ARHGEF28: variants seen among roughly 807,000 people sequenced by gnomAD.
The protein encoded by ARHGEF28 is 190 kDa guanine nucleotide exchange factor.
ARHGEF28 carries 152 observed loss-of-function variants against 206.6 expected under a neutral mutation model. The observed-to-expected ratio is 0.74, with a 90% confidence interval of 0.64 to 0.84. ARHGEF28 has a LOEUF of 0.84. ARHGEF28 is among the 40% of genes least tolerant of loss of function. The pLI, the probability that ARHGEF28 is intolerant of heterozygous loss-of-function variation, is 0.00. For missense variants in ARHGEF28, 2,028 were observed against 2,073.2 expected, an observed-to-expected ratio of 0.98 and a Z score of 0.42; for synonymous variants, 763 against 776.4, an observed-to-expected ratio of 0.98 and a Z score of 0.29.
At chr5:73,884,004 G>T in intron 24 of ARHGEF28, 120 bp downstream of exon 24, 3 of 493,868 alleles carry the variant, frequency 6.1e-6, no homozygotes, top group Non-Finnish European at 1.0e-5. Context: ...TCACGACGGA[G>T]AAACTGTTAA....
At chr5:73,797,427 G>A (rs964232276) in intron 9 of ARHGEF28, among the ~76,000 whole-genome samples, 5 of 152,152 alleles carry the variant, frequency 3.3e-5, no homozygotes, top group African/African-American at 1.2e-4. Flanking sequence ...TTGAGATGGA[G>A]TTTTGCTCTG....
At chr5:73,643,497 T>G (rs1250647659) in intron 1 of ARHGEF28, among the ~76,000 whole-genome samples, 1 of 152,148 alleles carries the variant, frequency 6.6e-6, no homozygotes, top group Non-Finnish European at 1.5e-5. Context: ...TTGGCACAAT[T>G]ATATATAGTA....
chr5:73,656,850 T>C (rs1490527512), intron 1 of ARHGEF28, among the ~76,000 whole-genome samples: 1 of 152,140 alleles, frequency 6.6e-6, no homozygotes, highest in Non-Finnish European at 1.5e-5. Context: ...GCTGCAGACA[T>C]ACTGGCCTTC....
chr5:73,726,841 T>C (rs1750303923), intron 2 of ARHGEF28, among the ~76,000 whole-genome samples: 1 of 152,160 alleles, frequency 6.6e-6, no homozygotes, highest in Admixed American at 6.5e-5. Flanking sequence ...CAGTGTTGAG[T>C]GGTCGTAATC....
At chr5:73,753,410 G>C (rs115167164) in intron 4 of ARHGEF28, among the ~76,000 whole-genome samples, 1,690 of 152,270 alleles carry the variant, frequency 0.011, 32 homozygotes, top group African/African-American at 0.038. Context: ...TGGGATAAAT[G>C]GAAGAGCCTT....
At chr5:73,749,101 A>T (rs1751894107) in intron 2 of ARHGEF28, among the ~76,000 whole-genome samples, 1 of 152,212 alleles carries the variant, frequency 6.6e-6, no homozygotes, top group African/African-American at 2.4e-5. Flanking sequence ...TGTGCCAACC[A>T]GAAGCTCTTA....
chr5:73,906,184 CTTAT>C (rs2112718192), intron 33 of ARHGEF28, among the ~76,000 whole-genome samples: 1 of 152,270 alleles, frequency 6.6e-6, no homozygotes, highest in South Asian at 2.1e-4. Context: ...CAGTGCTCAT[CTTAT>C]TTATTTTTCT....
intron 2 of ARHGEF28, among the ~76,000 whole-genome samples, chr5:73,698,416 A>T (rs1748355273): frequency 6.6e-6 from 1 of 152,142 alleles, no homozygotes; most frequent in East Asian, 1.9e-4. Context: ...AAATCTGGTG[A>T]CCACCCCTGA....
intron 9 of ARHGEF28, among the ~76,000 whole-genome samples, chr5:73,811,631 G>T (rs989059436): frequency 3.9e-5 from 6 of 152,184 alleles, no homozygotes; most frequent in Non-Finnish European, 5.9e-5. Context: ...AGGGCTGAAA[G>T]TTACATATCC....
intron 4 of ARHGEF28, among the ~76,000 whole-genome samples, chr5:73,765,558 A>AT (rs1752847938): frequency 6.6e-6 from 1 of 152,188 alleles, no homozygotes; most frequent in African/African-American, 2.4e-5. Context: ...AACTTACACT[A>AT]TTTTCTACTT....
chr5:73,734,086 C>A (rs2112356406), intron 2 of ARHGEF28, among the ~76,000 whole-genome samples: 1 of 152,290 alleles, frequency 6.6e-6, no homozygotes, highest in East Asian at 1.9e-4. Flanking sequence ...CACCTCCCAC[C>A]AGGCCCCACC....
At chr5:73,638,284 G>A (rs1743854911) in intron 1 of ARHGEF28, among the ~76,000 whole-genome samples, 1 of 152,194 alleles carries the variant, frequency 6.6e-6, no homozygotes, top group South Asian at 2.1e-4. Flanking sequence ...TTTTATTGTG[G>A]CAATATGCTT....
At chr5:73,924,496 CT>C in intron 35 of ARHGEF28, among the ~76,000 whole-genome samples, 1 of 152,282 alleles carries the variant, frequency 6.6e-6, no homozygotes, top group Non-Finnish European at 1.5e-5. Context: ...TTAATAAACA[CT>C]ACTGTTATCA....
At chr5:73,916,370 T>C (rs1299618232) in intron 35 of ARHGEF28, among the ~76,000 whole-genome samples, 1 of 152,148 alleles carries the variant, frequency 6.6e-6, no homozygotes, top group Non-Finnish European at 1.5e-5. Flanking sequence ...GGGAATGTAT[T>C]TGTTGACTAG....
Position 73,776,666 on chromosome 5 carries a change from A to G in ARHGEF28, c.810A>G (p.Lys270=). ...LLEADIKLFR[K]YFWDRAFLVK... The stretch of plus-strand genomic sequence containing the variant: ...AGGCAGATATTAAACTCTTCCGGAA[A>G]TACTTTTGGGATAGAGCCTTTCTTG... The change falls in exon 6 of 36, where the codon AAA becomes AAG. Residue 270 remains lysine (K), a synonymous_variant. Transcript: ENST00000513042. 6.2e-7 allele frequency: 1 copy of G among 1,613,612 alleles called. No individual in the cohort carries two copies. The highest frequency in any genetic ancestry group is 2.2e-5 in the East Asian group (1 of 44,874).
At chr5:73,628,299 T>C (rs780036630) in intron 1 of ARHGEF28, among the ~76,000 whole-genome samples, 13 of 152,168 alleles carry the variant, frequency 8.5e-5, no homozygotes, top group Non-Finnish European at 1.9e-4. Context: ...ATACTATTAC[T>C]TCTATATTAA....
At chr5:73,760,980 G>A (rs1752572703) in intron 4 of ARHGEF28, among the ~76,000 whole-genome samples, 1 of 152,146 alleles carries the variant, frequency 6.6e-6, no homozygotes, top group Admixed American at 6.5e-5. Context: ...CCACTTCTGG[G>A]AAATAGAACG....
At chr5:73,815,970 C>T (rs968615970) in intron 9 of ARHGEF28, among the ~76,000 whole-genome samples, 4 of 152,112 alleles carry the variant, frequency 2.6e-5, no homozygotes, top group African/African-American at 7.2e-5. Flanking sequence ...TTATGAAGAG[C>T]GGGTTTGGTC....
At chr5:73,811,731 T>A (rs1335086134) in intron 9 of ARHGEF28, among the ~76,000 whole-genome samples, 1 of 152,124 alleles carries the variant, frequency 6.6e-6, no homozygotes, top group Non-Finnish European at 1.5e-5. Context: ...ACGCCTGTAA[T>A]CAGCACTTTG....
Sources: gnomAD v4.1 joint callset for allele counts (sites outside exome capture counted in the v4.1 genomes callset) on GRCh38, gnomAD v4.1.1 for gene constraint, MANE v1.5 for transcripts, NCBI Gene and HGNC (gene_info 2026-07-23, HGNC 2026-07-21) for gene names.